C10orf90: variants seen among roughly 807,000 people sequenced by gnomAD.
C10orf90 encodes the protein (E2-independent) E3 ubiquitin-conjugating enzyme FATS.
Under a neutral mutation model 62.5 loss-of-function variants are expected in C10orf90, and 56 were observed. That is an observed-to-expected ratio of 0.90 (90% CI 0.72 to 1.12). The LOEUF (loss-of-function observed/expected upper bound fraction) is 1.12. C10orf90 is among the 50% of genes most tolerant of loss of function. C10orf90 has a pLI of 0.00. For synonymous variants in C10orf90, 386 were observed against 340.4 expected (o/e 1.13, Z -1.47); for missense variants, 970 against 880.4 (o/e 1.10, Z -1.29).
chr10:126,577,602 G>T (rs1376906937), intron 2 of C10orf90, among the ~76,000 whole-genome samples: 1 of 152,022 alleles, frequency 6.6e-6, no homozygotes, highest in Admixed American at 6.6e-5. Context: ...TCTTTCCCAA[G>T]TTGATTCATA....
chr10:126,662,481 GT>G (rs1026173073), intron 1 of C10orf90, among the ~76,000 whole-genome samples: 22 of 152,110 alleles, frequency 1.4e-4, no homozygotes, highest in Admixed American at 1.2e-3. Context: ...TTCTGGAGCT[GT>G]TTTTTTTCCT....
intron 7 of C10orf90, among the ~76,000 whole-genome samples, chr10:126,439,721 A>G (rs1858178443): frequency 6.6e-6 from 1 of 152,216 alleles, no homozygotes; most frequent in South Asian, 2.1e-4. Context: ...CAGAAGAAAG[A>G]GCCTGTGAAT....
chr10:126,516,122 T>A (rs1863425182), intron 2 of C10orf90, among the ~76,000 whole-genome samples: 1 of 152,234 alleles, frequency 6.6e-6, no homozygotes, highest in South Asian at 2.1e-4. Context: ...TAGGCCTGCA[T>A]CCTGCTTGGC....
rs530327724 is a variant in C10orf90, at chr10:126,598,591, G to A, written c.313+47974C>T. ...TCTCTTCAGCTCTTACACATTTTCG[G>A]TGTCTTCCTCTATCAGATCTGTAAT... On this transcript the variant is annotated intron_variant, in intron 2 of 9. Coordinates refer to ENST00000488181, the MANE Select transcript of C10orf90 (RefSeq NM_001350921.2). Among the ~76,000 whole-genome samples the A allele has an allele frequency of 1.8e-4, 28 of 152,178 alleles. No homozygotes were observed. In the South Asian group the frequency reaches 5.8e-3, roughly 32 times the overall value.
chr10:126,602,102 G>A (rs1845210451), intron 2 of C10orf90, among the ~76,000 whole-genome samples: 1 of 152,114 alleles, frequency 6.6e-6, no homozygotes, highest in Non-Finnish European at 1.5e-5. Context: ...CCCTCCCAAT[G>A]AGGCCCACAG....
intron 1 of C10orf90, among the ~76,000 whole-genome samples, chr10:126,654,720 G>A (rs980188509): frequency 6.6e-6 from 1 of 152,188 alleles, no homozygotes; most frequent in Non-Finnish European, 1.5e-5. Flanking sequence ...CTGTTGACAT[G>A]TCTTCCTCAC....
chr10:126,530,083 T>A (rs1864053621), intron 2 of C10orf90, among the ~76,000 whole-genome samples: 1 of 152,200 alleles, frequency 6.6e-6, no homozygotes, highest in Non-Finnish European at 1.5e-5. Context: ...GTTTATTGCA[T>A]CAGTTTTTAA....
intron 2 of C10orf90, among the ~76,000 whole-genome samples, chr10:126,515,419 G>A (rs1181043224): frequency 1.3e-5 from 2 of 152,110 alleles, no homozygotes; most frequent in African/African-American, 4.8e-5. Context: ...CTTTTAGCCT[G>A]TATTTTTACT....
At chr10:126,513,408 C>G (rs941897001) in intron 3 of C10orf90, among the ~76,000 whole-genome samples, 1 of 152,170 alleles carries the variant, frequency 6.6e-6, no homozygotes, top group Admixed American at 6.5e-5. Context: ...CACTGTGCAC[C>G]AAGCTCTTTT....
intron 2 of C10orf90, among the ~76,000 whole-genome samples, chr10:126,543,554 A>C (rs772718673): frequency 3.3e-5 from 5 of 152,080 alleles, no homozygotes; most frequent in Non-Finnish European, 7.4e-5. Context: ...GGAGTATTAG[A>C]CCTTCCCATC....
chr10:126,616,095 G>GC (rs945282906), intron 2 of C10orf90, among the ~76,000 whole-genome samples: 6 of 152,172 alleles, frequency 3.9e-5, no homozygotes, highest in Non-Finnish European at 8.8e-5. Flanking sequence ...AGATACACAG[G>GC]CCCCCCACCA....
Position 126,519,004 on chromosome 10 carries a change from C to G in C10orf90, c.314-5065G>C, listed in dbSNP as rs573231306. ...CTGAGAGATAAAGGTGGGAGAGATG[C>G]TTTCTTTTTCCAGCAACTCTAAGAG... is the stretch of plus-strand genomic sequence containing the variant. On this transcript the variant is annotated intron_variant, in intron 2 of 9. Transcript: ENST00000488181. Among the ~76,000 whole-genome samples the G allele has an allele frequency of 3.9e-5, 6 of 152,292 alleles. No homozygotes were observed. The South Asian group carries it at 1.2e-3, about 32-fold the overall frequency.
chr10:126,526,888 G>A (rs558266446), intron 2 of C10orf90, among the ~76,000 whole-genome samples: 10 of 152,230 alleles, frequency 6.6e-5, no homozygotes, highest in African/African-American at 2.2e-4. Context: ...GCTATAACAC[G>A]TATCAGGACA....
Position 126,504,371 on chromosome 10 carries a change from G to T in C10orf90, c.1120C>A (p.Pro374Thr). ...VDKSLSVPIE[P>T]PQIASPKMHR... is the part of the protein sequence containing the mutation. ...ATTTTGGGGCTGGCAATTTGAGGTG[G>T]CTCAATGGGGACGGAGAGAGACTTG... Residue 374 changes from proline (P) to threonine (T), a missense_variant, in exon 4 of 10, where the codon CCA becomes ACA. Coordinates refer to ENST00000488181, the MANE Select transcript of C10orf90 (RefSeq NM_001350921.2). The surrounding 1 kb of genome is among the most constrained non-coding windows in gnomAD (Gnocchi z 4.1). 2.5e-6 allele frequency: 4 copies of T among 1,614,188 alleles called. No individual in the cohort carries two copies. The highest frequency in any genetic ancestry group is 1.7e-6 in the Non-Finnish European group (2 of 1,180,046).
Position 126,429,769 on chromosome 10 carries a change from C to A in C10orf90, c.2252+18G>T. ...TCCCCCCACCAACTTCTTTGCACACCATACAATAACCAAGTACCTCTTAGA... is the reference window on the plus strand; with the variant it reads ...TCCCCCCACCAACTTCTTTGCACACAATACAATAACCAAGTACCTCTTAGA... On this transcript the variant is annotated intron_variant, in intron 8 of 9. Coordinates refer to ENST00000488181, the MANE Select transcript of C10orf90 (RefSeq NM_001350921.2). The A allele has an allele frequency of 6.2e-7, 1 of 1,613,014 alleles. No homozygotes were observed. Among genetic ancestry groups the A allele is most frequent in the South Asian group, 1.1e-5 (1 of 90,952 alleles).
At position 126,489,482 on chromosome 10, in the gene C10orf90, A is replaced by G. The variant is rs139978543; in HGVS notation, c.1534+14475T>C. On this transcript the variant is annotated intron_variant, in intron 4 of 9. Transcript: ENST00000488181. The stretch of plus-strand genomic sequence containing the variant: ...CATGGAAAGATGTTCAGTTATTACT[A>G]GGAAATCACTAGGAAACTGCAAATC... Among the ~76,000 whole-genome samples the G allele has an allele frequency of 3.3e-5, 5 of 152,260 alleles. No individual in the cohort carries two copies. The East Asian group carries it at 9.7e-4, about 29-fold the overall frequency.
Position 126,504,412 on chromosome 10 carries a change from G to A in C10orf90, c.1079C>T (p.Ser360Leu). Residue 360 changes from serine to leucine, a missense_variant, in exon 4 of 10, where the codon TCA becomes TTA. Transcript: ENST00000488181. This position sits in a 1 kb window ranked among gnomAD's most constrained non-coding sequence, Gnocchi z 4.1. ...HLRVSQQCPD[S>L]IYYVDKSLSV... ...GAGAGACTTGTCTACGTAATAGATT[G>A]AATCTGGACACTGCTGAGACACCCT... 6.2e-7 allele frequency: 1 copy of A among 1,614,210 alleles called. No individual in the cohort carries two copies. The highest frequency in any genetic ancestry group is 8.5e-7 in the Non-Finnish European group (1 of 1,180,038).
Position 126,651,626 on chromosome 10 carries a change from C to A in C10orf90, c.241-4989G>T, listed in dbSNP as rs183374432. Reference sequence around the variant, plus strand: ...GCAGAACAGGAACAGAAACGTTATACAGAGCAGGAAAGAAGAGATGGGAGA... The same window carrying A: ...GCAGAACAGGAACAGAAACGTTATAAAGAGCAGGAAAGAAGAGATGGGAGA... On this transcript the variant is annotated intron_variant, in intron 1 of 9. Transcript: ENST00000488181. Among the ~76,000 whole-genome samples, 66 of 152,106 alleles carry A rather than the reference C, an allele frequency of 4.3e-4. No individual in the cohort carries two copies. In the East Asian group the frequency reaches 6.0e-3, roughly 14 times the overall value.
At chr10:126,546,281 G>A (rs1322240305) in intron 2 of C10orf90, among the ~76,000 whole-genome samples, 3 of 152,244 alleles carry the variant, frequency 2.0e-5, no homozygotes, top group Non-Finnish European at 2.9e-5. Context: ...CACTTGTGAG[G>A]CTAGAAAGAA....
Sources: gnomAD v4.1 joint callset for allele counts (sites outside exome capture counted in the v4.1 genomes callset) on GRCh38, gnomAD v4.1.1 for gene constraint, Gnocchi (gnomAD v3.1) non-coding constraint, MANE v1.5 for transcripts, NCBI Gene and HGNC (gene_info 2026-07-23, HGNC 2026-07-21) for gene names.